Variants in PDE4D observed in about 807,000 individuals in gnomAD.
PDE4D encodes the protein 3',5'-cyclic-AMP phosphodiesterase 4D.
Under a neutral mutation model 87.4 loss-of-function variants are expected in PDE4D, and 24 were observed. The observed-to-expected ratio is 0.27, with a 90% CI of 0.20 to 0.39. PDE4D has a LOEUF of 0.39. Among genes scored for constraint, PDE4D ranks in the 10% least tolerant of loss-of-function variants. PDE4D has a pLI of 1.00. For missense variants in PDE4D, 714 were observed against 1,041.0 expected (o/e 0.69, Z 4.32); for synonymous variants, 384 against 383.2 (o/e 1.00, Z -0.02).
At chr5:59,881,989 T>C (rs2152746479) in intron 1 of PDE4D, among the ~76,000 whole-genome samples, 1 of 152,280 alleles carries the variant, frequency 6.6e-6, no homozygotes, top group Middle Eastern at 3.4e-3. Flanking sequence ...AAGCACATAA[T>C]TCAACACAAA....
intron 1 of PDE4D, among the ~76,000 whole-genome samples, chr5:60,430,528 G>T (rs1244633814): frequency 3.0e-4 from 36 of 118,456 alleles, no homozygotes; most frequent in African/African-American, 1.4e-3. Flanking sequence ...TTTTTTGTTT[G>T]TGTTTTGTTT....
intron 1 of PDE4D, among the ~76,000 whole-genome samples, chr5:59,668,657 A>G (rs1746463867): frequency 6.6e-6 from 1 of 151,670 alleles, no homozygotes; most frequent in African/African-American, 2.4e-5. Context: ...GCAGTGAGCC[A>G]TGATTGCACC....
intron 2 of PDE4D, among the ~76,000 whole-genome samples, chr5:60,067,710 C>A (rs1413009435): frequency 6.6e-6 from 1 of 152,094 alleles, no homozygotes; most frequent in African/African-American, 2.4e-5. Context: ...AGTAACTCCC[C>A]ATTTCTCTCT....
At chr5:59,393,769 C>T (rs1214516711) in intron 1 of PDE4D, among the ~76,000 whole-genome samples, 1 of 152,184 alleles carries the variant, frequency 6.6e-6, no homozygotes, top group Non-Finnish European at 1.5e-5. Flanking sequence ...AACTCATCTT[C>T]AATCAAGGGC....
At chr5:59,083,427 C>T (rs977458221) in intron 5 of PDE4D, among the ~76,000 whole-genome samples, 6 of 151,968 alleles carry the variant, frequency 3.9e-5, no homozygotes, top group Admixed American at 3.9e-4. Flanking sequence ...TTCCCACATC[C>T]TTTCCCATTC....
intron 1 of PDE4D, among the ~76,000 whole-genome samples, chr5:59,668,720 AAAGAAGAAGAAGAAG>A (rs201980727): frequency 2.7e-5 from 3 of 110,714 alleles, no homozygotes; most frequent in Non-Finnish European, 6.3e-5. Context: ...TCAAGAAAAA[AAAGAAGAAGAAGAAG>A]AAAGAAGAAG....
intron 1 of PDE4D, among the ~76,000 whole-genome samples, chr5:60,197,070 T>TAGATAGATAGATAGAA (rs1316937670): frequency 8.1e-6 from 1 of 122,920 alleles, no homozygotes; most frequent in Non-Finnish European, 1.7e-5. Context: ...GATAGATAGA[T>TAGATAGATAGATAGAA]AGACAGTTAG....
chr5:59,849,202 T>C (rs1315542028), intron 1 of PDE4D, among the ~76,000 whole-genome samples: 3 of 151,960 alleles, frequency 2.0e-5, no homozygotes, highest in African/African-American at 7.2e-5. Context: ...TTGGTTTAAA[T>C]AGTCATCTGG....
chr5:60,427,902 T>A (rs779130467), intron 1 of PDE4D, among the ~76,000 whole-genome samples: 1 of 151,926 alleles, frequency 6.6e-6, no homozygotes, highest in Admixed American at 6.6e-5. Flanking sequence ...TGAGACTTCA[T>A]GTCTACTAAA....
At chr5:59,557,062 C>T (rs564425076) in intron 1 of PDE4D, among the ~76,000 whole-genome samples, 4 of 152,040 alleles carry the variant, frequency 2.6e-5, no homozygotes, top group Non-Finnish European at 4.4e-5. Flanking sequence ...AAAAGGAATA[C>T]GAGTAAAATG....
At chr5:59,097,745 C>T (rs943724616) in intron 5 of PDE4D, among the ~76,000 whole-genome samples, 1 of 152,176 alleles carries the variant, frequency 6.6e-6, no homozygotes, top group South Asian at 2.1e-4. Flanking sequence ...AAGCCAAATA[C>T]ACTGATAAAT....
At position 59,745,756 on chromosome 5, in the gene PDE4D, A is replaced by AG. The variant is rs556009938; in HGVS notation, c.455+147411dup. On this transcript the variant is annotated intron_variant, in intron 1 of 14. Coordinates refer to ENST00000340635, the MANE Select transcript of PDE4D (RefSeq NM_001104631.2). ...ACCCTTTTCCTTAGGGCAAAAAAAA[A>AG]GAAAGAAAGAAAAAAATGTTTGCAC... is the stretch of plus-strand genomic sequence containing the variant. 4.7e-4 allele frequency among the ~76,000 whole-genome samples: 72 copies of AG among 152,286 alleles called. 1 individual carries two copies. The highest frequency in any genetic ancestry group is 1.7e-3 in the African/African-American group (71 of 41,572).
At chr5:59,544,049 G>A (rs1368655524) in intron 1 of PDE4D, among the ~76,000 whole-genome samples, 1 of 152,110 alleles carries the variant, frequency 6.6e-6, no homozygotes, top group African/African-American at 2.4e-5. Context: ...ACACTCACAG[G>A]CCTGTGGCAA....
intron 1 of PDE4D, chr5:60,448,674 G>C (rs1000061701): frequency 4.6e-4 from 70 of 152,242 alleles, no homozygotes; most frequent in African/African-American, 1.5e-3. Context: ...TGTTGCTTCA[G>C]GGAAGCCAGC....
intron 1 of PDE4D, among the ~76,000 whole-genome samples, chr5:60,505,017 T>A (rs1025464370): frequency 6.6e-6 from 1 of 152,204 alleles, no homozygotes; most frequent in Non-Finnish European, 1.5e-5. Flanking sequence ...AGAATGAACA[T>A]AAATCTTACA....
chr5:60,405,180 C>T (rs1741431089), intron 1 of PDE4D, among the ~76,000 whole-genome samples: 1 of 152,194 alleles, frequency 6.6e-6, no homozygotes, highest in African/African-American at 2.4e-5. Flanking sequence ...TGAAAGGGAT[C>T]AGTATCCTAT....
chr5:60,267,504 T>C (rs1750342232), intron 1 of PDE4D, among the ~76,000 whole-genome samples: 1 of 152,220 alleles, frequency 6.6e-6, no homozygotes, highest in Admixed American at 6.5e-5. Flanking sequence ...TCTAACTGTA[T>C]ACTTCAGCAA....
intron 1 of PDE4D, among the ~76,000 whole-genome samples, chr5:60,411,002 A>G (rs1436578088): frequency 6.6e-6 from 1 of 152,234 alleles, no homozygotes; most frequent in Non-Finnish European, 1.5e-5. Context: ...AAAAAGCTGC[A>G]TACTTTTCCC....
chr5:60,454,694 T>G (rs1276759140), intron 1 of PDE4D, among the ~76,000 whole-genome samples: 1 of 152,100 alleles, frequency 6.6e-6, no homozygotes, highest in East Asian at 1.9e-4. Context: ...AGCTAACGCA[T>G]GCGGGGCTTA....
Sources: gnomAD v4.1 joint callset for allele counts (sites outside exome capture counted in the v4.1 genomes callset) on GRCh38, gnomAD v4.1.1 for gene constraint, MANE v1.5 for transcripts, NCBI Gene and HGNC (gene_info 2026-07-23, HGNC 2026-07-21) for gene names.